The following PPP1R9A variants were observed in gnomAD, a reference collection of about 807,000 sequenced individuals.
PPP1R9A encodes the protein protein phosphatase 1 regulatory subunit 9A.
In PPP1R9A, 59 loss-of-function variants were observed where a neutral mutation model predicts 141.9. That is an observed-to-expected ratio of 0.42 (90% CI 0.34 to 0.52). The LOEUF (loss-of-function observed/expected upper bound fraction) is 0.52. PPP1R9A is among the 20% of genes least tolerant of loss of function. The pLI is 0.10. For missense variants in PPP1R9A, 1,444 were observed against 1,611.9 expected (o/e 0.90, Z 1.78); for synonymous variants, 500 against 569.7 (o/e 0.88, Z 1.74).
At chr7:95,264,822 A>G (rs2153038606) in intron 12 of PPP1R9A, among the ~76,000 whole-genome samples, 1 of 152,332 alleles carries the variant, frequency 6.6e-6, no homozygotes, top group Non-Finnish European at 1.5e-5. Context: ...AGAGGAGGAA[A>G]AGGAAATTTT....
intron 12 of PPP1R9A, among the ~76,000 whole-genome samples, chr7:95,262,340 A>G (rs1028955722): frequency 3.9e-5 from 6 of 152,160 alleles, no homozygotes; most frequent in African/African-American, 1.4e-4. Context: ...CTTTTAGGTT[A>G]TGCAGATCTC....
intron 3 of PPP1R9A, among the ~76,000 whole-genome samples, chr7:95,118,857 G>A (rs1463501167): frequency 6.6e-6 from 1 of 151,042 alleles, no homozygotes; most frequent in African/African-American, 2.4e-5. Context: ...GTGGCACATG[G>A]CTATAGTTCC....
intron 2 of PPP1R9A, among the ~76,000 whole-genome samples, chr7:95,109,684 AT>A (rs887683722): frequency 2.0e-5 from 3 of 151,940 alleles, no homozygotes; most frequent in African/African-American, 4.8e-5. Context: ...CTAAAAAAAA[AT>A]TTTTTTTAAT....
rs117260440 is a variant in PPP1R9A at position 95,073,261 on chromosome 7, C to A, written c.1396-37998C>A. 1.1e-3 allele frequency among the ~76,000 whole-genome samples: 160 copies of A among 152,030 alleles called. 4 individuals are homozygous for A. In the East Asian group the frequency reaches 0.029, roughly 27 times the overall value. The stretch of plus-strand genomic sequence containing the variant: ...TCGGTCTCTCAAAGTGGTGAGATTA[C>A]AGGCATGAGCCACTCTGCCTGGCCT... On this transcript the variant is annotated intron_variant, in intron 2 of 19. Coordinates refer to ENST00000433360, the MANE Select transcript of PPP1R9A (RefSeq NM_001166160.2).
chr7:94,933,374 A>G (rs1794397174), intron 2 of PPP1R9A, among the ~76,000 whole-genome samples: 1 of 152,184 alleles, frequency 6.6e-6, no homozygotes, highest in African/African-American at 2.4e-5. Flanking sequence ...TGAAACATGT[A>G]AAGTATCAAA....
chr7:95,144,160 C>T (rs1188996663), intron 4 of PPP1R9A, among the ~76,000 whole-genome samples: 1 of 152,068 alleles, frequency 6.6e-6, no homozygotes, highest in Non-Finnish European at 1.5e-5. Flanking sequence ...TTGCCCCACT[C>T]CCCCCAGTCC....
intron 2 of PPP1R9A, among the ~76,000 whole-genome samples, chr7:95,063,251 A>G (rs1812487835): frequency 6.6e-6 from 1 of 152,192 alleles, no homozygotes; most frequent in African/African-American, 2.4e-5. Context: ...GACCCTGTAT[A>G]TGTGCCTTAC....
rs965406960 is a variant in PPP1R9A at position 95,284,216 on chromosome 7, G to A, written c.3495G>A (p.Lys1165=). Residue 1165 remains lysine, a synonymous_variant, in exon 17 of 20, where the codon AAG becomes AAA. Transcript: ENST00000433360. Reference sequence around the variant, plus strand: ...TAATTTCAGATAAAAAGGGGTCCAAGGTAGAAAACACATGGATTACAAAAG... The same window carrying A: ...TAATTTCAGATAAAAAGGGGTCCAAAGTAGAAAACACATGGATTACAAAAG... The part of the protein sequence containing the change: ...ETLISDKKGS[K]VENTWITKAN... 5 of 1,570,368 alleles carry A rather than the reference G, an allele frequency of 3.2e-6. No individual in the cohort carries two copies. The African/African-American group carries it at 6.7e-5, about 21-fold the overall frequency.
intron 4 of PPP1R9A, among the ~76,000 whole-genome samples, chr7:95,131,284 T>C (rs1824559042): frequency 6.6e-6 from 1 of 152,208 alleles, no homozygotes; most frequent in Non-Finnish European, 1.5e-5. Context: ...GCAGAAGCTG[T>C]TCTCTTGTCT....
At chr7:95,151,115 A>G (rs1427446276) in intron 4 of PPP1R9A, among the ~76,000 whole-genome samples, 1 of 152,206 alleles carries the variant, frequency 6.6e-6, no homozygotes, top group Non-Finnish European at 1.5e-5. Flanking sequence ...CTTTAATGAA[A>G]ATAAACACAC....
chr7:94,974,997 T>C (rs1279237639), intron 2 of PPP1R9A, among the ~76,000 whole-genome samples: 3 of 152,174 alleles, frequency 2.0e-5, no homozygotes, highest in Non-Finnish European at 4.4e-5. Flanking sequence ...TATATATAAA[T>C]GATTCTTAAT....
At chr7:95,044,281 A>G (rs1313715801) in intron 2 of PPP1R9A, among the ~76,000 whole-genome samples, 1 of 152,162 alleles carries the variant, frequency 6.6e-6, no homozygotes. Flanking sequence ...ACTTCCCTCT[A>G]CTTTCTCCTC....
chr7:95,151,139 C>G (rs1019839073), intron 4 of PPP1R9A, among the ~76,000 whole-genome samples: 2 of 152,142 alleles, frequency 1.3e-5, no homozygotes, highest in African/African-American at 4.8e-5. Context: ...CATGATCTGA[C>G]CCAGCTGAAA....
chr7:94,909,312 A>C (rs1414678372), intron 1 of PPP1R9A, among the ~76,000 whole-genome samples: 1 of 152,208 alleles, frequency 6.6e-6, no homozygotes, highest in Non-Finnish European at 1.5e-5. Context: ...CTATTCAGGA[A>C]CTTTTTTTCT....
At chr7:95,274,024 A>C in intron 15 of PPP1R9A, 38 bp downstream of exon 15, 2 of 1,498,024 alleles carry the variant, frequency 1.3e-6, no homozygotes, top group South Asian at 2.3e-5. Context: ...GCCCTCTGTA[A>C]AAGGAGGATT....
intron 2 of PPP1R9A, among the ~76,000 whole-genome samples, chr7:95,033,309 T>C (rs368577195): frequency 1.4e-4 from 21 of 151,958 alleles, no homozygotes; most frequent in Admixed American, 5.2e-4. Flanking sequence ...CCACCGCTCC[T>C]GGCCTAATTT....
intron 2 of PPP1R9A, among the ~76,000 whole-genome samples, chr7:95,101,148 G>C (rs1818746853): frequency 1.3e-5 from 2 of 152,086 alleles, no homozygotes; most frequent in African/African-American, 2.4e-5. Flanking sequence ...CACCGCGCCC[G>C]GCCTCTTTGT....
intron 2 of PPP1R9A, chr7:95,108,944 A>G (rs951236267): frequency 1.3e-5 from 2 of 152,226 alleles, no homozygotes; most frequent in Admixed American, 6.5e-5. Context: ...ACCGGGACCT[A>G]TTAGCAGAAG....
chr7:95,073,089 G>T (rs934085306), intron 2 of PPP1R9A, among the ~76,000 whole-genome samples: 1 of 149,002 alleles, frequency 6.7e-6, no homozygotes, highest in African/African-American at 2.5e-5. Flanking sequence ...GAGTTCAAGC[G>T]ATTCTACTGC....
Sources: allele counts gnomAD v4.1 joint callset (sites outside exome capture counted in the v4.1 genomes callset), GRCh38; gene constraint gnomAD v4.1.1; transcripts MANE v1.5; gene names NCBI Gene and HGNC (gene_info 2026-07-23, HGNC 2026-07-21).